ZNF721: variants seen among roughly 807,000 people sequenced by gnomAD.
The protein encoded by ZNF721 is zinc finger protein 721.
In ZNF721, 2 loss-of-function variants were observed where a neutral mutation model predicts 2.4. The observed-to-expected ratio is 0.82, with a 90% CI of 0.34 to 2.58. The LOEUF (loss-of-function observed/expected upper bound fraction) is 2.58. Ranked by LOEUF, ZNF721 falls within the 30% of genes most tolerant of loss-of-function variation. The probability of loss-of-function intolerance (pLI) is 0.11; values close to 1 mark genes in which losing one functional copy is unlikely to be tolerated. For missense variants in ZNF721, 1,187 were observed against 1,085.5 expected (o/e 1.09, Z -1.31); for synonymous variants, 398 against 381.8 (o/e 1.04, Z -0.50).
At chr4:487,888 C>T (rs782055712) in intron 1 of ZNF721, among the ~76,000 whole-genome samples, 8 of 152,126 alleles carry the variant, frequency 5.3e-5, no homozygotes, top group East Asian at 1.9e-4. Context: ...AGCAAAGGAT[C>T]GAAGGCGACT....
intron 2 of ZNF721, among the ~76,000 whole-genome samples, chr4:471,496 C>T (rs1553867682): frequency 1.3e-5 from 2 of 152,004 alleles, no homozygotes; most frequent in East Asian, 1.9e-4. Flanking sequence ...ACGGGTAAAT[C>T]TAAAAATGTA....
At chr4:445,481 T>C (rs1322537516) in intron 2 of ZNF721, among the ~76,000 whole-genome samples, 6 of 152,074 alleles carry the variant, frequency 3.9e-5, no homozygotes, top group Non-Finnish European at 8.8e-5. Flanking sequence ...AATGTTCAAA[T>C]AACAAGCAAA....
chr4:458,049 ACTG>A (rs1452113456), intron 2 of ZNF721, among the ~76,000 whole-genome samples: 41 of 152,362 alleles, frequency 2.7e-4, no homozygotes, highest in African/African-American at 9.6e-4. Flanking sequence ...AAGGGTCAGT[ACTG>A]CTCATTTAGG....
At chr4:496,745 C>T (rs1456750046) in intron 1 of ZNF721, among the ~76,000 whole-genome samples, 5 of 120,176 alleles carry the variant, frequency 4.2e-5, no homozygotes, top group Admixed American at 3.1e-4. Flanking sequence ...GACGGAGTCT[C>T]GCTGTCGCCC....
At position 441,674 on chromosome 4, in the gene ZNF721, T is replaced by C. The variant is rs782726888; in HGVS notation, c.*21A>G. The C allele has an allele frequency of 1.3e-6, 2 of 1,574,110 alleles. No homozygotes were observed. The highest frequency in any genetic ancestry group is 1.9e-5 in the Admixed American group (1 of 53,882). ...ATGTTTAAGAATGCTGTAGTATGAC[T>C]TAAAGGCTTTGCCACATTCTTTACA... On this transcript the variant is annotated 3_prime_UTR_variant, in exon 3 of 3. Coordinates refer to ENST00000511833, the MANE Select transcript of ZNF721 (RefSeq NM_133474.4).
At chr4:463,688 T>C (rs532339316) in intron 2 of ZNF721, among the ~76,000 whole-genome samples, 1 of 152,204 alleles carries the variant, frequency 6.6e-6, no homozygotes, top group Non-Finnish European at 1.5e-5. Flanking sequence ...TTCTCACTCC[T>C]AAGTGGGAGT....
intron 2 of ZNF721, among the ~76,000 whole-genome samples, chr4:453,251 G>A (rs1553865007): frequency 6.6e-6 from 1 of 152,238 alleles, no homozygotes. Context: ...GAGGCCAGAG[G>A]GATTTGTCAG....
At chr4:453,305 G>A (rs74616560) in intron 2 of ZNF721, among the ~76,000 whole-genome samples, 46 of 152,310 alleles carry the variant, frequency 3.0e-4, no homozygotes, top group Middle Eastern at 6.8e-3. Flanking sequence ...CTTACTACCT[G>A]GTTGCCCCAA....
chr4:473,546 G>A (rs1553868095), intron 1 of ZNF721, among the ~76,000 whole-genome samples: 1 of 152,046 alleles, frequency 6.6e-6, no homozygotes, highest in African/African-American at 2.4e-5. Context: ...CCCGCTGGCA[G>A]CCCCCAAGCC....
rs781943554 is a variant in ZNF721 at position 441,739 on chromosome 4, C to T, written c.2728G>A (p.Ala910Thr). ...KTFRQSANLY[A>T]HKKIHTGDKT... The stretch of plus-strand genomic sequence containing the variant: ...TCTCCAGTATGAATTTTCTTATGTG[C>T]ATAAAGATTTGCAGACTGTCTAAAG... Residue 910 changes from alanine to threonine, a missense_variant, in exon 3 of 3, where the codon GCA (alanine) becomes ACA (threonine). Coordinates refer to ENST00000511833, the MANE Select transcript of ZNF721 (RefSeq NM_133474.4). 7 of 1,612,806 alleles carry T rather than the reference C, an allele frequency of 4.3e-6. No homozygotes were observed. In the East Asian group the frequency reaches 1.3e-4, roughly 31 times the overall value.
chr4:457,920 AC>A (rs1476923199), intron 2 of ZNF721, among the ~76,000 whole-genome samples: 1 of 152,196 alleles, frequency 6.6e-6, no homozygotes, highest in African/African-American at 2.4e-5. Context: ...AGTCCTGCCA[AC>A]CCAGAAATCT....
At chr4:498,379 C>T (rs1159891856) in intron 1 of ZNF721, among the ~76,000 whole-genome samples, 2 of 152,118 alleles carry the variant, frequency 1.3e-5, no homozygotes, top group African/African-American at 2.4e-5. Context: ...TATCAATATG[C>T]ATTTATCTCA....
In ZNF721 at chr4:472,609, C is replaced by T. The variant is rs1553867891; in HGVS notation, c.-1G>A. ...CCAGGTTTCTGTAGTTCTCCAACAT[C>T]ACATCTCTATACAAATTCTGCTGGG... On this transcript the variant is annotated 5_prime_UTR_variant, in exon 2 of 3. Coordinates refer to ENST00000511833, the MANE Select transcript of ZNF721 (RefSeq NM_133474.4). The T allele has an allele frequency of 6.2e-7, 1 of 1,613,944 alleles. No homozygotes were observed. The highest frequency in any genetic ancestry group is 1.7e-5 in the Admixed American group (1 of 59,932).
At chr4:486,581 G>GA (rs1452153945) in intron 1 of ZNF721, among the ~76,000 whole-genome samples, 7 of 151,886 alleles carry the variant, frequency 4.6e-5, no homozygotes, top group Non-Finnish European at 8.8e-5. Flanking sequence ...ATTGCACTGG[G>GA]AAAAAAAAGC....
intron 2 of ZNF721, among the ~76,000 whole-genome samples, chr4:461,937 G>A (rs1560233774): frequency 6.6e-6 from 1 of 152,112 alleles, no homozygotes; most frequent in South Asian, 2.1e-4. Context: ...GAAAGAAAGG[G>A]TATTCAAATA....
chr4:458,810 C>A (rs781965882), intron 2 of ZNF721, among the ~76,000 whole-genome samples: 1 of 151,958 alleles, frequency 6.6e-6, no homozygotes, highest in Non-Finnish European at 1.5e-5. Flanking sequence ...TGCGCCACTG[C>A]ACTCCAGCCT....
chr4:475,831 T>C (rs782156082), intron 1 of ZNF721, among the ~76,000 whole-genome samples: 1 of 151,754 alleles, frequency 6.6e-6, no homozygotes, highest in African/African-American at 2.4e-5. Flanking sequence ...TAAAGCAGCC[T>C]TTAAAGATTT....
chr4:450,472 T>C (rs1553864712), intron 2 of ZNF721, among the ~76,000 whole-genome samples: 2 of 152,156 alleles, frequency 1.3e-5, no homozygotes, highest in East Asian at 1.9e-4. Flanking sequence ...AATATAAACA[T>C]TTATGATGAA....
chr4:446,489 T>C (rs1429492350), intron 2 of ZNF721, among the ~76,000 whole-genome samples: 1 of 151,022 alleles, frequency 6.6e-6, no homozygotes, highest in African/African-American at 2.4e-5. Context: ...CAAGCAATTC[T>C]TCTGCCTCAG....
Sources: gnomAD v4.1 joint callset for allele counts (sites outside exome capture counted in the v4.1 genomes callset) on GRCh38, gnomAD v4.1.1 for gene constraint, MANE v1.5 for transcripts, NCBI Gene and HGNC (gene_info 2026-07-23, HGNC 2026-07-21) for gene names.